MSI2: variants seen among roughly 807,000 people sequenced by gnomAD.
MSI2 encodes the protein RNA-binding protein Musashi homolog 2.
Under a neutral mutation model 45.6 loss-of-function variants are expected in MSI2, and 17 were observed. That is an observed-to-expected ratio of 0.37 (90% CI 0.26 to 0.56). MSI2 has a LOEUF of 0.56. MSI2 is among the 20% of genes least tolerant of loss of function. The pLI, the probability that MSI2 is intolerant of heterozygous loss-of-function variation, is 0.77. For synonymous variants in MSI2, 156 were observed against 158.2 expected, an observed-to-expected ratio of 0.99 and a Z score of 0.11; for missense variants, 293 against 444.2, an observed-to-expected ratio of 0.66 and a Z score of 3.06.
chr17:57,467,717 G>A (rs1334515678), intron 6 of MSI2, among the ~76,000 whole-genome samples: 1 of 152,056 alleles, frequency 6.6e-6, no homozygotes, highest in African/African-American at 2.4e-5. Context: ...GGACCTCTAG[G>A]ACACTGGTCC....
At chr17:57,440,412 CCG>C (rs1491465735) in intron 6 of MSI2, among the ~76,000 whole-genome samples, 1 of 54,864 alleles carries the variant, frequency 1.8e-5, no homozygotes, top group African/African-American at 7.0e-5. Context: ...GGTTTGTTAT[CCG>C]TGTGTGTGTG....
chr17:57,313,905 G>A (rs959971947), intron 5 of MSI2, among the ~76,000 whole-genome samples: 1 of 152,212 alleles, frequency 6.6e-6, no homozygotes, highest in Non-Finnish European at 1.5e-5. Flanking sequence ...AGAGGAGGCT[G>A]TACCTAGGAT....
In MSI2 at chr17:57,337,627, C is replaced by T. The variant is rs9913314; in HGVS notation, c.313-63752C>T. On this transcript the variant is annotated intron_variant, in intron 5 of 13. Transcript: ENST00000284073. The stretch of plus-strand genomic sequence containing the variant: ...GCAACAAGCGCTGCTCTTGGCACCA[C>T]GGTCGAGTCCTTAGCTGGACGGTGA... Among the ~76,000 whole-genome samples, 1,503 of 152,226 alleles carry T rather than the reference C, an allele frequency of 9.9e-3. 30 individuals are homozygous for T. The highest frequency in any genetic ancestry group is 0.034 in the African/African-American group (1,432 of 41,540).
chr17:57,426,714 T>G (rs1269443160), intron 6 of MSI2, among the ~76,000 whole-genome samples: 1 of 152,230 alleles, frequency 6.6e-6, no homozygotes, highest in Non-Finnish European at 1.5e-5. Flanking sequence ...GCCTTGGAAA[T>G]GCACAGGCCT....
At chr17:57,303,255 A>G (rs918948610) in intron 5 of MSI2, among the ~76,000 whole-genome samples, 1 of 152,188 alleles carries the variant, frequency 6.6e-6, no homozygotes, top group African/African-American at 2.4e-5. Flanking sequence ...ATCTGCTTTA[A>G]CACTTGGGGG....
In MSI2 at chr17:57,483,268, TA is replaced by T. The variant is rs371808343; in HGVS notation, c.406-46395del. Among the ~76,000 whole-genome samples the T allele has an allele frequency of 5.3e-3, 798 of 150,334 alleles. 2 individuals are homozygous for T. The highest frequency in any genetic ancestry group is 0.018 in the African/African-American group (725 of 40,712). On this transcript the variant is annotated intron_variant, in intron 6 of 13. Coordinates refer to ENST00000284073, the MANE Select transcript of MSI2 (RefSeq NM_138962.4). Reference sequence around the variant, plus strand: ...CTTTACTTTTTTAATAAACTTGCCTTAAAAAAAAAAAAAGAAAACATGCTAG... The same window carrying T: ...CTTTACTTTTTTAATAAACTTGCCTTAAAAAAAAAAAAGAAAACATGCTAG...
chr17:57,652,336 C>T lies in MSI2; in HGVS notation c.790+175C>T, dbSNP rs1285052648. ...GGGAGGCGCGGGCAAGGCCTGGCCA[C>T]CCAGGGCACTTGTAGTGGGGTCAGT... On this transcript the variant is annotated intron_variant, in intron 11 of 13. Coordinates refer to ENST00000284073, the MANE Select transcript of MSI2 (RefSeq NM_138962.4). The surrounding 1 kb of genome is among the most constrained non-coding windows in gnomAD (Gnocchi z 4.1). Among the ~76,000 whole-genome samples the T allele has an allele frequency of 6.6e-6, 1 of 152,040 alleles. No individual in the cohort carries two copies. The highest frequency in any genetic ancestry group is 1.5e-5 in the Non-Finnish European group (1 of 68,000).
intron 6 of MSI2, among the ~76,000 whole-genome samples, chr17:57,447,515 A>G (rs1567828838): frequency 6.6e-6 from 1 of 152,090 alleles, no homozygotes; most frequent in Non-Finnish European, 1.5e-5. Flanking sequence ...CTCCTGTCAC[A>G]TGAGTACGGC....
intron 8 of MSI2, among the ~76,000 whole-genome samples, chr17:57,607,335 G>A (rs2144520883): frequency 6.6e-6 from 1 of 152,312 alleles, no homozygotes; most frequent in Middle Eastern, 3.4e-3. Flanking sequence ...TTTATAACAT[G>A]CATGTGTCCT....
At chr17:57,418,479 G>C (rs1463969079) in intron 6 of MSI2, among the ~76,000 whole-genome samples, 2 of 152,218 alleles carry the variant, frequency 1.3e-5, no homozygotes, top group African/African-American at 4.8e-5. Context: ...GTTAAGAGCA[G>C]GCATAAGCCC....
At chr17:57,699,478 C>T in the MSI2 span, among the ~76,000 whole-genome samples, 3 of 151,926 alleles carry the variant, frequency 2.0e-5, no homozygotes, top group Non-Finnish European at 4.4e-5. Flanking sequence ...GAATGTCTTG[C>T]GCTCTGCCTC....
At chr17:57,690,006 C>T in the MSI2 span, among the ~76,000 whole-genome samples, 11 of 152,044 alleles carry the variant, frequency 7.2e-5, no homozygotes, top group African/African-American at 2.4e-4. Context: ...GTAAATAGGG[C>T]GAAGACATTG....
At chr17:57,593,235 A>G (rs1315473631) in intron 7 of MSI2, among the ~76,000 whole-genome samples, 1 of 152,238 alleles carries the variant, frequency 6.6e-6, no homozygotes, top group African/African-American at 2.4e-5. Flanking sequence ...CCTGTGTGGG[A>G]TATGGAGGCA....
intron 4 of MSI2, 147 bp from the exon 5 acceptor site, chr17:57,262,004 A>C: frequency 1.3e-6 from 1 of 764,508 alleles, no homozygotes; most frequent in Non-Finnish European, 2.1e-6. Context: ...TTGAGATCAA[A>C]GTTTAAGAAA....
In MSI2 at chr17:57,502,636, T is replaced by TATATATATATATCATAG; in HGVS notation, c.406-27039_406-27038insTATATATATATCATAGA. Among the ~76,000 whole-genome samples the TATATATATATATCATAG allele has an allele frequency of 6.4e-4, 62 of 96,928 alleles. 5 individuals are homozygous for TATATATATATATCATAG. The highest frequency in any genetic ancestry group is 2.1e-3 in the African/African-American group (60 of 28,714). 63.6% of individuals were successfully genotyped at this position (96,928 alleles called of 152,430 possible). On this transcript the variant is annotated intron_variant, in intron 6 of 13. Transcript: ENST00000284073. ...ATATATATATATATATATATATATA[T>TATATATATATATCATAG]AGTCATCATTCTGTCATGCAGGAAG...
chr17:57,537,327 C>T (rs982689106), intron 7 of MSI2, among the ~76,000 whole-genome samples: 1 of 152,080 alleles, frequency 6.6e-6, no homozygotes, highest in Admixed American at 6.5e-5. Context: ...GGCTGTATCC[C>T]CAGGCCCTGT....
At chr17:57,325,143 T>C (rs1478755628) in intron 5 of MSI2, among the ~76,000 whole-genome samples, 2 of 152,120 alleles carry the variant, frequency 1.3e-5, no homozygotes, top group East Asian at 3.9e-4. Context: ...TACCCAGCCA[T>C]AAAAAAGAAC....
At chr17:57,563,785 T>C (rs12453064) in intron 7 of MSI2, among the ~76,000 whole-genome samples, 4,278 of 104,610 alleles carry the variant, frequency 0.041, 75 homozygotes, top group African/African-American at 0.07. Context: ...CACACACACA[T>C]AGGCCTCTGT....
chr17:57,511,566 G>A (rs572446119), intron 6 of MSI2, among the ~76,000 whole-genome samples: 147 of 152,262 alleles, frequency 9.7e-4, no homozygotes, highest in African/African-American at 3.3e-3. Flanking sequence ...GCCCTGGGGA[G>A]GCAGGTTTCT....
Sources: allele counts gnomAD v4.1 joint callset (sites outside exome capture counted in the v4.1 genomes callset), GRCh38; gene constraint gnomAD v4.1.1; non-coding constraint Gnocchi (gnomAD v3.1); transcripts MANE v1.5; gene names NCBI Gene and HGNC (gene_info 2026-07-23, HGNC 2026-07-21).